TSPAN11: variants seen among roughly 807,000 people sequenced by gnomAD.
The protein encoded by TSPAN11 is tetraspanin 11, also known as tetraspanin-11.
A neutral mutation model predicts 32.9 loss-of-function variants in TSPAN11; 29 were observed. That is an observed-to-expected ratio of 0.88 (90% CI 0.66 to 1.20). The LOEUF (loss-of-function observed/expected upper bound fraction) is 1.20. TSPAN11 is among the 50% of genes most tolerant of loss of function. The pLI, the probability that TSPAN11 is intolerant of heterozygous loss-of-function variation, is 0.00. For synonymous variants in TSPAN11, 140 were observed against 141.3 expected, an observed-to-expected ratio of 0.99 and a Z score of 0.07; for missense variants, 283 against 329.1, an observed-to-expected ratio of 0.86 and a Z score of 1.08.
chr12:30,974,623 T>C (rs1270149613), intron 3 of TSPAN11, among the ~76,000 whole-genome samples: 1 of 152,266 alleles, frequency 6.6e-6, no homozygotes, highest in East Asian at 1.9e-4. Flanking sequence ...CTAAGCGTTA[T>C]GTCTAGACCC....
At chr12:31,011,692 A>T in the TSPAN11 span, among the ~76,000 whole-genome samples, 1 of 152,176 alleles carries the variant, frequency 6.6e-6, no homozygotes, top group African/African-American at 2.4e-5. Context: ...CCACCAAAAA[A>T]AAAAGGAAAA....
the TSPAN11 span, among the ~76,000 whole-genome samples, chr12:31,008,062 C>T: frequency 6.6e-6 from 1 of 151,882 alleles, no homozygotes; most frequent in Admixed American, 6.6e-5. Context: ...CACAGGGTCT[C>T]CCAGGGTCTG....
At chr12:30,999,747 C>G (rs957661431), downstream of TSPAN11, among the ~76,000 whole-genome samples, 1 of 152,086 alleles carries the variant, frequency 6.6e-6, no homozygotes, top group African/African-American at 2.4e-5. Flanking sequence ...TGGCCCTGCT[C>G]TGGATGTTGG....
At chr12:30,952,360 C>A (rs537543949) in intron 1 of TSPAN11, among the ~76,000 whole-genome samples, 16 of 152,326 alleles carry the variant, frequency 1.1e-4, no homozygotes, top group Admixed American at 2.0e-4. Flanking sequence ...CCCTGGCCGA[C>A]CCCATCCACG....
intron 1 of TSPAN11, among the ~76,000 whole-genome samples, chr12:30,929,945 G>C (rs747808782): frequency 2.0e-5 from 3 of 152,226 alleles, no homozygotes; most frequent in Admixed American, 6.5e-5. Flanking sequence ...AGCCCCATAG[G>C]GGGAGCATTA....
intron 3 of TSPAN11, among the ~76,000 whole-genome samples, chr12:30,971,391 T>C (rs1318295825): frequency 6.6e-6 from 1 of 152,228 alleles, no homozygotes; most frequent in East Asian, 1.9e-4. Flanking sequence ...CCAGTGAATG[T>C]GCCCCAAAAT....
At chr12:30,957,240 C>CCG (rs1938499954) in intron 2 of TSPAN11, among the ~76,000 whole-genome samples, 1 of 143,320 alleles carries the variant, frequency 7.0e-6, no homozygotes, top group South Asian at 2.4e-4. Flanking sequence ...CCCCCCCCCC[C>CCG]CCACACCATG....
chr12:30,951,193 C>CA (rs1422093388), intron 1 of TSPAN11, among the ~76,000 whole-genome samples: 5 of 152,140 alleles, frequency 3.3e-5, no homozygotes, highest in Non-Finnish European at 5.9e-5. Context: ...AAACATATAT[C>CA]AAAAAATGAT....
the TSPAN11 span, among the ~76,000 whole-genome samples, chr12:31,009,389 C>T: frequency 4.6e-4 from 70 of 152,320 alleles, no homozygotes; most frequent in Admixed American, 1.0e-3. Flanking sequence ...GACCTTTTGC[C>T]GGGTGCCTGT....
At position 30,954,013 on chromosome 12, in the gene TSPAN11, C is replaced by G. The variant is rs1485437880; in HGVS notation, c.22C>G (p.Gln8Glu). The G allele has an allele frequency of 6.8e-6, 11 of 1,613,684 alleles. No homozygotes were observed. The highest frequency in any genetic ancestry group is 8.5e-6 in the Non-Finnish European group (10 of 1,179,986). The change falls in exon 2 of 8, where the codon CAG becomes GAG. Residue 8 changes from glutamine to glutamate, a missense_variant. Coordinates refer to ENST00000546076, the MANE Select transcript of TSPAN11 (RefSeq NM_001370302.1). Reference protein sequence around the residue: MAHYKTEQDDWLIIYLKY... With the variant: MAHYKTEEDDWLIIYLKY... Reference sequence around the variant, plus strand: ...AGCCATGGCCCACTATAAGACTGAGCAGGACGACTGGCTGATCATCTACTT... The same window carrying G: ...AGCCATGGCCCACTATAAGACTGAGGAGGACGACTGGCTGATCATCTACTT...
At chr12:30,981,101 G>A (rs1032894199) in intron 5 of TSPAN11, among the ~76,000 whole-genome samples, 4 of 152,192 alleles carry the variant, frequency 2.6e-5, no homozygotes, top group Non-Finnish European at 5.9e-5. Flanking sequence ...GATGAGGAAA[G>A]GCACAACTGA....
intron 3 of TSPAN11, among the ~76,000 whole-genome samples, chr12:30,977,826 T>A (rs1939006849): frequency 6.6e-6 from 1 of 152,072 alleles, no homozygotes; most frequent in Non-Finnish European, 1.5e-5. Flanking sequence ...AACAGGGCTG[T>A]GAGGTGGGAG....
chr12:30,960,598 T>A (rs1381780442), intron 2 of TSPAN11, among the ~76,000 whole-genome samples: 1 of 152,038 alleles, frequency 6.6e-6, no homozygotes, highest in Non-Finnish European at 1.5e-5. Flanking sequence ...CACCCCATCA[T>A]GTTTCTTTCC....
intron 2 of TSPAN11, among the ~76,000 whole-genome samples, chr12:30,959,050 A>G (rs1938557034): frequency 6.6e-6 from 1 of 152,126 alleles, no homozygotes; most frequent in African/African-American, 2.4e-5. Flanking sequence ...GGAAAGAGAA[A>G]CACTAGCTGT....
At chr12:30,952,506 C>T (rs4931391) in intron 1 of TSPAN11, among the ~76,000 whole-genome samples, 92,357 of 152,078 alleles carry the variant, frequency 0.61, 28,345 homozygotes, top group East Asian at 0.77. Context: ...CCTTCTTCAA[C>T]GTCTGCAAAT....
chr12:30,963,946 G>C lies in TSPAN11; in HGVS notation c.205G>C (p.Val69Leu). Residue 69 changes from valine to leucine, a missense_variant, in exon 3 of 8, where the codon GTA becomes CTA. Coordinates refer to ENST00000546076, the MANE Select transcript of TSPAN11 (RefSeq NM_001370302.1). ...ASAYILIFAGVLVMVTGFLGF... is the reference protein window; with the variant it reads ...ASAYILIFAGLLVMVTGFLGF... ...CGCCTACATCCTCATCTTTGCGGGC[G>C]TACTTGTCATGGTGACCGGCTTCCT... 1 of 1,614,078 alleles carries C rather than the reference G, an allele frequency of 6.2e-7. No homozygotes were observed. The highest frequency in any genetic ancestry group is 8.5e-7 in the Non-Finnish European group (1 of 1,180,034).
rs1233501111 is a variant in TSPAN11 at position 30,963,933 on chromosome 12, C to A, written c.192C>A (p.Leu64=). The change falls in exon 3 of 8, where the codon CTC becomes CTA. Residue 64 remains leucine, a synonymous_variant. Transcript: ENST00000546076. ...CCTTTGCCGCCTCCGCCTACATCCT[C>A]ATCTTTGCGGGCGTACTTGTCATGG... ...SSTFAASAYI[L]IFAGVLVMVT... 1 of 1,614,010 alleles carries A rather than the reference C, an allele frequency of 6.2e-7. No individual in the cohort carries two copies.
intron 1 of TSPAN11, among the ~76,000 whole-genome samples, chr12:30,930,228 T>G (rs1937892965): frequency 6.6e-6 from 1 of 152,154 alleles, no homozygotes; most frequent in East Asian, 1.9e-4. Context: ...ATGTATGTTT[T>G]CCAAGTGCCT....
At position 30,933,466 on chromosome 12, in the gene TSPAN11, C is replaced by T. The variant is rs1480843395; in HGVS notation, c.-12+6670C>T. Among the ~76,000 whole-genome samples the T allele has an allele frequency of 4.1e-5, 6 of 145,524 alleles. No homozygotes were observed. In the East Asian group the frequency reaches 1.0e-3, roughly 25 times the overall value. Reference sequence around the variant, plus strand: ...AAACCAAACATCAGAGAACCAGGCTCACATTTATGTTCCCCCTTCCAGCTC... The same window carrying T: ...AAACCAAACATCAGAGAACCAGGCTTACATTTATGTTCCCCCTTCCAGCTC... On this transcript the variant is annotated intron_variant, in intron 1 of 7. Coordinates refer to ENST00000546076, the MANE Select transcript of TSPAN11 (RefSeq NM_001370302.1).
Sources: gnomAD v4.1 joint callset for allele counts (sites outside exome capture counted in the v4.1 genomes callset) on GRCh38, gnomAD v4.1.1 for gene constraint, MANE v1.5 for transcripts, NCBI Gene and HGNC (gene_info 2026-07-23, HGNC 2026-07-21) for gene names.